The following ST3GAL3 variants were observed in gnomAD, a reference collection of about 807,000 sequenced individuals.
ST3GAL3 encodes the protein CMP-N-acetylneuraminate-beta-1,4-galactoside alpha-2,3-sialyltransferase.
ST3GAL3 carries 21 observed loss-of-function variants against 50.1 expected under a neutral mutation model. The ratio of observed to expected loss-of-function variants is 0.42; its 90% CI spans 0.30 to 0.60. The LOEUF (loss-of-function observed/expected upper bound fraction) is 0.60, where lower values mean the gene tolerates loss of function less well. Ranked by LOEUF, ST3GAL3 falls within the 20% of genes least tolerant of loss-of-function variation. The pLI is 0.19. For missense variants in ST3GAL3, 353 were observed against 489.4 expected (o/e 0.72, Z 2.63); for synonymous variants, 183 against 190.0 (o/e 0.96, Z 0.30).
At chr1:43,917,504 T>TAA (rs1362361134) in intron 9 of ST3GAL3, among the ~76,000 whole-genome samples, 4 of 55,852 alleles carry the variant, frequency 7.2e-5, no homozygotes, top group African/African-American at 2.2e-4. Flanking sequence ...ATATAATATA[T>TAA]TATATAATAT....
At chr1:43,863,765 T>G (rs1233694021) in intron 5 of ST3GAL3, among the ~76,000 whole-genome samples, 3 of 151,972 alleles carry the variant, frequency 2.0e-5, no homozygotes, top group Non-Finnish European at 2.9e-5. Context: ...GGGAGAAGCC[T>G]CCTCCTCCTC....
intron 5 of ST3GAL3, among the ~76,000 whole-genome samples, chr1:43,878,652 G>A (rs2074534031): frequency 1.3e-5 from 2 of 152,142 alleles, no homozygotes; most frequent in Admixed American, 6.5e-5. Flanking sequence ...TTGGGGTGAG[G>A]GAGATCATAG....
intron 2 of ST3GAL3, among the ~76,000 whole-genome samples, chr1:43,745,685 GTGGCATGATCT>G (rs545913036): frequency 1.3e-3 from 193 of 152,344 alleles, no homozygotes; most frequent in African/African-American, 4.4e-3. Flanking sequence ...CCAGAGTGCA[GTGGCATGATCT>G]TGGCTTACTG....
intron 5 of ST3GAL3, among the ~76,000 whole-genome samples, chr1:43,883,834 C>T (rs2075552337): frequency 6.6e-6 from 1 of 152,194 alleles, no homozygotes; most frequent in South Asian, 2.1e-4. Context: ...CTTTGTCTTA[C>T]AACTACCCTT....
At chr1:43,809,396 C>CT (rs1284098328) in intron 3 of ST3GAL3, among the ~76,000 whole-genome samples, 1 of 152,106 alleles carries the variant, frequency 6.6e-6, no homozygotes, top group African/African-American at 2.4e-5. Context: ...GCAATAGAAA[C>CT]TATCTAAAAT....
At chr1:43,772,279 C>T (rs1187814332) in intron 2 of ST3GAL3, 2 of 343,330 alleles carry the variant, frequency 5.8e-6, no homozygotes, top group Non-Finnish European at 1.0e-5. Flanking sequence ...AATTCCTGAC[C>T]TGAGGTGATC....
chr1:43,867,145 A>T (rs1011575532), intron 5 of ST3GAL3, among the ~76,000 whole-genome samples: 7 of 152,164 alleles, frequency 4.6e-5, no homozygotes, highest in Non-Finnish European at 7.3e-5. Context: ...AAATAAAGCC[A>T]TCAGATCTCG....
intron 5 of ST3GAL3, chr1:43,851,083 T>C (rs2067208088): frequency 1.1e-6 from 1 of 893,898 alleles, no homozygotes; most frequent in Non-Finnish European, 1.9e-6. Flanking sequence ...CCCATTCTCA[T>C]CTGCAGTTTT....
intron 3 of ST3GAL3, chr1:43,799,711 G>A (rs1208607417): frequency 6.6e-6 from 1 of 152,136 alleles, no homozygotes; most frequent in Admixed American, 6.5e-5. Context: ...GACCATTTCA[G>A]TGAGTATTTA....
At chr1:43,817,402 C>A (rs573861072) in intron 4 of ST3GAL3, among the ~76,000 whole-genome samples, 1 of 41,830 alleles carries the variant, frequency 2.4e-5, no homozygotes, top group Non-Finnish European at 4.3e-5. Context: ...CCTCCTTTTT[C>A]TCCTTCTTCT....
At chr1:43,719,681 G>T (rs1487720189) in intron 1 of ST3GAL3, among the ~76,000 whole-genome samples, 2 of 147,644 alleles carry the variant, frequency 1.4e-5, no homozygotes, top group Non-Finnish European at 3.0e-5. Flanking sequence ...AAAAGAATAA[G>T]CGGTGGCTTG....
intron 5 of ST3GAL3, chr1:43,851,229 G>T (rs1481581468): frequency 5.1e-6 from 8 of 1,561,164 alleles, no homozygotes; most frequent in Non-Finnish European, 6.2e-6. Context: ...ACCTTATAGG[G>T]CATAGATTCA....
chr1:43,808,661 A>G (rs1481682378), intron 3 of ST3GAL3, among the ~76,000 whole-genome samples: 2 of 152,156 alleles, frequency 1.3e-5, no homozygotes, highest in Admixed American at 6.5e-5. Context: ...ACAGTTGAGC[A>G]TTTGAGGAGA....
intron 2 of ST3GAL3, among the ~76,000 whole-genome samples, chr1:43,779,901 C>A (rs1300531435): frequency 1.3e-5 from 2 of 152,172 alleles, no homozygotes; most frequent in Non-Finnish European, 2.9e-5. Context: ...TATGTTCAGA[C>A]ATGTTAGATT....
At chr1:43,928,621 A>G (rs2084458417) in intron 11 of ST3GAL3, among the ~76,000 whole-genome samples, 1 of 148,474 alleles carries the variant, frequency 6.7e-6, no homozygotes, top group Non-Finnish European at 1.5e-5. Context: ...AAAAACATTT[A>G]TGGTGGTCCG....
chr1:43,820,750 T>G (rs2061989462), intron 4 of ST3GAL3, among the ~76,000 whole-genome samples: 1 of 152,210 alleles, frequency 6.6e-6, no homozygotes, highest in East Asian at 1.9e-4. Context: ...AAACCTTGTC[T>G]TTTTACTACA....
Position 43,710,618 on chromosome 1 carries a change from C to T in ST3GAL3, c.-31+2925C>T, listed in dbSNP as rs1664231532. 2.0e-5 allele frequency among the ~76,000 whole-genome samples: 3 copies of T among 152,218 alleles called. 1 individual carries two copies. The highest frequency in any genetic ancestry group is 4.1e-4 in the South Asian group (2 of 4,828). ...CAATATGGGCAAACTGATTTCTTGC[C>T]ATTCTGTTATATTTTCCAGGTCAAT... On this transcript the variant is annotated intron_variant, in intron 1 of 11. Transcript: ENST00000347631.
chr1:43,921,660 T>C (rs762271641), intron 11 of ST3GAL3: 21 of 398,684 alleles, frequency 5.3e-5, no homozygotes, highest in Non-Finnish European at 8.4e-5. Context: ...GGCTCTGGTC[T>C]CAGCCCTCAT....
chr1:43,868,785 T>C (rs539497196), intron 5 of ST3GAL3, among the ~76,000 whole-genome samples: 35 of 152,272 alleles, frequency 2.3e-4, no homozygotes, highest in African/African-American at 8.2e-4. Flanking sequence ...TATTTTTAAC[T>C]GTGTTGTGTA....
Sources: gnomAD v4.1 joint callset for allele counts (sites outside exome capture counted in the v4.1 genomes callset) on GRCh38, gnomAD v4.1.1 for gene constraint, MANE v1.5 for transcripts, NCBI Gene and HGNC (gene_info 2026-07-23, HGNC 2026-07-21) for gene names.